The following ASTN2 variants were observed in gnomAD, a reference collection of about 807,000 sequenced individuals.
The protein encoded by ASTN2 is astrotactin-2.
A neutral mutation model predicts 139.8 loss-of-function variants in ASTN2; 54 were observed. That is an observed-to-expected ratio of 0.39 (90% CI 0.31 to 0.48). ASTN2 has a LOEUF of 0.48. Ranked by LOEUF, ASTN2 falls within the 20% of genes least tolerant of loss-of-function variation. The probability of loss-of-function intolerance (pLI) is 0.95; values close to 1 mark genes in which losing one functional copy is unlikely to be tolerated. For missense variants in ASTN2, 1,565 were observed against 1,725.1 expected, an observed-to-expected ratio of 0.91 and a Z score of 1.64; for synonymous variants, 756 against 719.5, an observed-to-expected ratio of 1.05 and a Z score of -0.81.
At chr9:116,683,998 C>G (rs549052794) in intron 16 of ASTN2, among the ~76,000 whole-genome samples, 1 of 152,300 alleles carries the variant, frequency 6.6e-6, no homozygotes, top group South Asian at 2.1e-4. Context: ...GTACAAGGTT[C>G]TGTCATACAG....
At chr9:116,497,547 T>G (rs557489733) in intron 19 of ASTN2, among the ~76,000 whole-genome samples, 2 of 152,310 alleles carry the variant, frequency 1.3e-5, no homozygotes, top group Admixed American at 6.5e-5. Context: ...AGTATTAACC[T>G]CAACATTAAT....
chr9:116,643,125 T>A (rs898890053), intron 17 of ASTN2, among the ~76,000 whole-genome samples: 4 of 152,216 alleles, frequency 2.6e-5, no homozygotes, highest in Non-Finnish European at 5.9e-5. Context: ...AAATGTGTTG[T>A]AGGGGGACAG....
At chr9:116,683,913 A>G (rs1344099565) in intron 16 of ASTN2, among the ~76,000 whole-genome samples, 1 of 152,210 alleles carries the variant, frequency 6.6e-6, no homozygotes, top group Non-Finnish European at 1.5e-5. Context: ...GCTTCCTTCA[A>G]AGAATCAAAA....
At position 117,414,656 on chromosome 9, in the gene ASTN2, C is replaced by G. The variant is rs762831276; in HGVS notation, c.283G>C (p.Gly95Arg). ...GARAGAGAGT[G>R]AGAAAAAASP... ...GCGGCGGCGGCGGCGGCTCCGGCCC[C>G]GGTCCCAGCCCCGGCCCCGGCGCGG... Residue 95 changes from glycine (G) to arginine (R), a missense_variant, in exon 1 of 23, where the codon GGG (glycine) becomes CGG (arginine). Transcript: ENST00000313400. This position sits in a 1 kb window ranked among gnomAD's most constrained non-coding sequence, Gnocchi z 4.2. 64 of 1,330,786 alleles carry G rather than the reference C, an allele frequency of 4.8e-5. 1 individual carries two copies. The East Asian group carries it at 6.1e-4, about 13-fold the overall frequency. The allele number at this position is 1,330,786 out of a possible 1,614,324, so 82.4% of individuals were successfully genotyped here.
At chr9:117,043,509 C>T (rs1388099495) in intron 5 of ASTN2, among the ~76,000 whole-genome samples, 9 of 152,146 alleles carry the variant, frequency 5.9e-5, no homozygotes, top group Admixed American at 5.2e-4. Context: ...GGAAAGAAGG[C>T]TGAGGGGCAC....
intron 1 of ASTN2, among the ~76,000 whole-genome samples, chr9:117,323,932 G>A (rs1018508494): frequency 6.6e-6 from 1 of 152,152 alleles, no homozygotes; most frequent in South Asian, 2.1e-4. Flanking sequence ...TTTACTGAGT[G>A]CCCAAATATC....
intron 5 of ASTN2, among the ~76,000 whole-genome samples, chr9:117,075,355 G>A (rs1025778499): frequency 6.6e-6 from 1 of 152,170 alleles, no homozygotes; most frequent in African/African-American, 2.4e-5. Context: ...GGCGGCCCAG[G>A]CTGGGGTTTT....
intron 4 of ASTN2, among the ~76,000 whole-genome samples, chr9:117,102,047 A>G (rs1050609802): frequency 6.6e-6 from 1 of 152,236 alleles, no homozygotes; most frequent in Non-Finnish European, 1.5e-5. Flanking sequence ...CTCCAGCCCC[A>G]AAACTGAAGA....
intron 1 of ASTN2, among the ~76,000 whole-genome samples, chr9:117,403,527 T>TC (rs1438270169): frequency 6.6e-6 from 1 of 151,946 alleles, no homozygotes; most frequent in African/African-American, 2.4e-5. Context: ...TCCTGTGCCT[T>TC]CCCCCGATGC....
At chr9:117,136,613 T>A (rs1031451056) in intron 4 of ASTN2, among the ~76,000 whole-genome samples, 1 of 152,118 alleles carries the variant, frequency 6.6e-6, no homozygotes, top group African/African-American at 2.4e-5. Context: ...TTTCAAATGA[T>A]CACCCAGCTG....
intron 3 of ASTN2, among the ~76,000 whole-genome samples, chr9:117,196,537 T>C (rs1292081895): frequency 2.0e-5 from 3 of 152,170 alleles, no homozygotes; most frequent in African/African-American, 7.2e-5. Flanking sequence ...ACTGGTCCCA[T>C]GTCCCAGAGA....
At chr9:116,712,150 A>G (rs929099768) in intron 16 of ASTN2, among the ~76,000 whole-genome samples, 5 of 151,894 alleles carry the variant, frequency 3.3e-5, no homozygotes, top group East Asian at 3.9e-4. Context: ...TCCATCCACA[A>G]TTTCTTTTTT....
At chr9:116,484,278 C>G (rs1588103148) in intron 20 of ASTN2, among the ~76,000 whole-genome samples, 2 of 152,204 alleles carry the variant, frequency 1.3e-5, no homozygotes, top group East Asian at 3.9e-4. Context: ...AGTCAACTCT[C>G]TTCCCTACAA....
intron 3 of ASTN2, among the ~76,000 whole-genome samples, chr9:117,148,903 A>G (rs544815262): frequency 2.0e-5 from 3 of 152,276 alleles, no homozygotes; most frequent in South Asian, 4.1e-4. Flanking sequence ...TTGAGCCGCA[A>G]TATCAACTCT....
chr9:116,741,251 A>G (rs1466028372), intron 13 of ASTN2, among the ~76,000 whole-genome samples: 1 of 152,098 alleles, frequency 6.6e-6, no homozygotes, highest in Admixed American at 6.6e-5. Context: ...ATTTAAATTG[A>G]GGTATTCCAG....
chr9:117,088,022 A>C (rs112496595), intron 5 of ASTN2, among the ~76,000 whole-genome samples: 3 of 152,156 alleles, frequency 2.0e-5, no homozygotes, highest in African/African-American at 7.2e-5. Context: ...TTGTCATTTG[A>C]GGAGATGACA....
intron 10 of ASTN2, among the ~76,000 whole-genome samples, chr9:116,867,811 G>C (rs562660993): frequency 1.3e-5 from 2 of 152,288 alleles, no homozygotes; most frequent in South Asian, 2.1e-4. Flanking sequence ...ACTAAGTCAA[G>C]AGAAGTGATT....
chr9:117,343,841 T>C (rs1488712534), intron 1 of ASTN2, among the ~76,000 whole-genome samples: 2 of 151,872 alleles, frequency 1.3e-5, no homozygotes, highest in Non-Finnish European at 2.9e-5. Flanking sequence ...CCTGGCACAA[T>C]CCCTGATTCC....
At position 116,944,512 on chromosome 9, in the gene ASTN2, C is replaced by G. The variant is rs1271334868; in HGVS notation, c.1889+30696G>C. On this transcript the variant is annotated intron_variant, in intron 10 of 22. Coordinates refer to ENST00000313400, the MANE Select transcript of ASTN2 (RefSeq NM_001365068.1). The stretch of plus-strand genomic sequence containing the variant: ...CCTGGCCAACATGGGGAAATCCTGC[C>G]TCTACTAAAAATACAAAAATTGGCT... Among the ~76,000 whole-genome samples the G allele has an allele frequency of 2.0e-5, 3 of 151,740 alleles. No individual in the cohort carries two copies. In the East Asian group the frequency reaches 5.8e-4, roughly 30 times the overall value.
Sources: gnomAD v4.1 joint callset for allele counts (sites outside exome capture counted in the v4.1 genomes callset) on GRCh38, gnomAD v4.1.1 for gene constraint, Gnocchi (gnomAD v3.1) non-coding constraint, MANE v1.5 for transcripts, NCBI Gene and HGNC (gene_info 2026-07-23, HGNC 2026-07-21) for gene names.